The following BIN1 variants were observed in gnomAD, a reference collection of about 807,000 sequenced individuals.
The protein encoded by BIN1 is bridging integrator 1, also known as myc box-dependent-interacting protein 1.
Under a neutral mutation model 82.0 loss-of-function variants are expected in BIN1, and 53 were observed. That is an observed-to-expected ratio of 0.65 (90% CI 0.52 to 0.81). The LOEUF is 0.81. BIN1 is among the 40% of genes least tolerant of loss of function. The pLI is 0.00. For synonymous variants in BIN1, 302 were observed against 328.0 expected (o/e 0.92, Z 0.86); for missense variants, 642 against 784.4 (o/e 0.82, Z 2.17).
intron 1 of BIN1, among the ~76,000 whole-genome samples, chr2:127,083,050 C>T (rs1481840596): frequency 1.3e-5 from 2 of 152,018 alleles, no homozygotes; most frequent in African/African-American, 4.8e-5. Flanking sequence ...TCAACTGTTA[C>T]CACTTGGCCA....
Position 127,057,583 on chromosome 2 carries a change from C to A in BIN1, c.1021G>T (p.Val341Phe). ...GGGGTGTGTTTGGGAGGCGGAGGGACTGGTGGGCCTTTCCGGAGCTGTGGG... is the reference window on the plus strand; with the variant it reads ...GGGGTGTGTTTGGGAGGCGGAGGGAATGGTGGGCCTTTCCGGAGCTGTGGG... Reference protein sequence around the residue: ...SPSQLRKGPPVPPPPKHTPSK... With the variant: ...SPSQLRKGPPFPPPPKHTPSK... The change falls in exon 12 of 19, where the codon GTC (valine) becomes TTC (phenylalanine). Residue 341 changes from valine to phenylalanine, a missense_variant. By Grantham distance (50) the Val-to-Phe change is conservative. Transcript: ENST00000316724. The surrounding 1 kb of genome is among the most constrained non-coding windows in gnomAD (Gnocchi z 5.0). 6.5e-7 allele frequency: 1 copy of A among 1,535,338 alleles called. No individual in the cohort carries two copies. Among genetic ancestry groups the A allele is most frequent in the Non-Finnish European group, 8.8e-7 (1 of 1,136,408 alleles).
chr2:127,104,756 C>T (rs976706879), intron 1 of BIN1, among the ~76,000 whole-genome samples: 4 of 152,176 alleles, frequency 2.6e-5, no homozygotes, highest in African/African-American at 9.7e-5. Context: ...TACAGGAAGG[C>T]ACACAGCAGA....
intron 2 of BIN1, among the ~76,000 whole-genome samples, chr2:127,071,390 C>T (rs1190071934): frequency 2.0e-5 from 3 of 152,124 alleles, no homozygotes; most frequent in African/African-American, 7.2e-5. Flanking sequence ...GTGCAGAATG[C>T]GGTGGTCATG....
intron 1 of BIN1, among the ~76,000 whole-genome samples, chr2:127,105,490 C>CTCG (rs1553490389): frequency 6.6e-6 from 1 of 151,498 alleles, no homozygotes; most frequent in African/African-American, 2.4e-5. Flanking sequence ...CCTCCTCCTC[C>CTCG]TCCTCCTCCT....
chr2:127,052,590 C>T (rs1021175960), intron 14 of BIN1: 7 of 571,214 alleles, frequency 1.2e-5, no homozygotes, highest in South Asian at 4.2e-5. Flanking sequence ...CAGCACCTAC[C>T]GAAATCCACT....
chr2:127,057,368 G>A lies in BIN1; in HGVS notation c.1131+105C>T. On this transcript the variant is annotated intron_variant, in intron 12 of 18. Transcript: ENST00000316724. The surrounding 1 kb of genome is among the most constrained non-coding windows in gnomAD (Gnocchi z 5.0). ...AGAGAGGGAAACTGACACTCTCTCT[G>A]GCCAGATTCCTGGCTCTTGAGACAG... is the stretch of plus-strand genomic sequence containing the variant. 2 of 1,379,348 alleles carry A rather than the reference G, an allele frequency of 1.4e-6. No homozygotes were observed. Among genetic ancestry groups the A allele is most frequent in the South Asian group, 3.1e-5 (2 of 63,994 alleles). 85.4% of individuals were successfully genotyped at this position (1,379,348 alleles called of 1,614,324 possible).
intron 1 of BIN1, among the ~76,000 whole-genome samples, chr2:127,097,527 C>G (rs528335060): frequency 2.6e-5 from 4 of 152,168 alleles, no homozygotes; most frequent in Non-Finnish European, 5.9e-5. Flanking sequence ...GCCCTTCCAG[C>G]GACAGGTGTC....
intron 15 of BIN1, 90 bp from the exon 16 acceptor site, chr2:127,051,333 G>T: frequency 7.4e-7 from 1 of 1,359,950 alleles, no homozygotes; most frequent in Non-Finnish European, 1.0e-6. Flanking sequence ...GCACCCAAGC[G>T]ACAGGGCCGG....
chr2:127,057,924 A>G lies in BIN1; in HGVS notation c.1003-323T>C, dbSNP rs927582965. On this transcript the variant is annotated intron_variant, in intron 11 of 18. Coordinates refer to ENST00000316724, the MANE Select transcript of BIN1 (RefSeq NM_139343.3). The surrounding 1 kb of genome is among the most constrained non-coding windows in gnomAD (Gnocchi z 5.0). Reference sequence around the variant, plus strand: ...GAGGCCCCAGGCTGCCCACTGGCCAACTGTGGGAGGGGCTGGCTCCCACTG... The same window carrying G: ...GAGGCCCCAGGCTGCCCACTGGCCAGCTGTGGGAGGGGCTGGCTCCCACTG... Among the ~76,000 whole-genome samples, 23 of 152,008 alleles carry G rather than the reference A, an allele frequency of 1.5e-4. No homozygotes were observed. Among genetic ancestry groups the G allele is most frequent in the African/African-American group, 5.3e-4 (22 of 41,404 alleles).
At chr2:127,072,422 G>A (rs1045538177) in intron 2 of BIN1, among the ~76,000 whole-genome samples, 4 of 152,188 alleles carry the variant, frequency 2.6e-5, no homozygotes, top group Non-Finnish European at 5.9e-5. Flanking sequence ...CAGTCACACA[G>A]AGACTCGGAG....
At position 127,070,652 on chromosome 2, in the gene BIN1, G is replaced by A; in HGVS notation, c.221-5C>T. 1 of 1,613,974 alleles carries A rather than the reference G, an allele frequency of 6.2e-7. No homozygotes were observed. Among genetic ancestry groups the A allele is most frequent in the Non-Finnish European group, 8.5e-7 (1 of 1,179,992 alleles). ...TCTTGGAAGCCTCGTGCATGGCTGT[G>A]GGGCAGAAAGGAAGTATGTGGGCCT... On this transcript the variant is annotated splice_polypyrimidine_tract_variant and splice_region_variant and intron_variant, in intron 3 of 18. Coordinates refer to ENST00000316724, the MANE Select transcript of BIN1 (RefSeq NM_139343.3).
At chr2:127,100,208 C>T (rs1282664478) in intron 1 of BIN1, among the ~76,000 whole-genome samples, 2 of 152,178 alleles carry the variant, frequency 1.3e-5, no homozygotes, top group Non-Finnish European at 2.9e-5. Context: ...TGCATGAACC[C>T]CCATCTCTGG....
chr2:127,063,149 G>A (rs752793329), intron 9 of BIN1, among the ~76,000 whole-genome samples: 1 of 152,246 alleles, frequency 6.6e-6, no homozygotes, highest in Non-Finnish European at 1.5e-5. Flanking sequence ...GATTCACGCA[G>A]ACGAAACAGG....
At chr2:127,081,996 A>C in intron 1 of BIN1, 2 of 663,472 alleles carry the variant, frequency 3.0e-6, no homozygotes, top group Non-Finnish European at 3.7e-6. Flanking sequence ...CCAGGCAGGC[A>C]GACACAGACA....
Position 127,107,090 on chromosome 2 carries a change from G to A in BIN1, c.-147C>T, listed in dbSNP as rs1051210092. The A allele has an allele frequency of 1.1e-5, 9 of 838,452 alleles. No individual in the cohort carries two copies. Among genetic ancestry groups the A allele is most frequent in the Non-Finnish European group, 1.3e-5 (8 of 613,336 alleles). The allele number at this position is 838,452 out of a possible 1,614,324, so 51.9% of individuals were successfully genotyped here. ...CCGACAGCGGAGCCAACTGACGGAG[G>A]CGGAGCGTGCGCCGGACGGGCGAGC... On this transcript the variant is annotated 5_prime_UTR_variant, in exon 1 of 19. Transcript: ENST00000316724. The surrounding 1 kb of genome is among the most constrained non-coding windows in gnomAD (Gnocchi z 5.9).
intron 1 of BIN1, among the ~76,000 whole-genome samples, chr2:127,080,370 G>A (rs930543214): frequency 8.5e-5 from 13 of 152,220 alleles, no homozygotes; most frequent in Admixed American, 3.9e-4. Flanking sequence ...GCCCAGCAGC[G>A]ACTAAGGAAA....
chr2:127,052,460 C>T lies in BIN1; in HGVS notation c.1264-98G>A. 4.9e-6 allele frequency: 6 copies of T among 1,215,016 alleles called. 1 individual carries two copies. Among genetic ancestry groups the T allele is most frequent in the African/African-American group, 1.5e-5 (1 of 66,862 alleles). The allele number at this position is 1,215,016 out of a possible 1,614,324, so 75.3% of individuals were successfully genotyped here. On this transcript the variant is annotated intron_variant, in intron 14 of 18. Coordinates refer to ENST00000316724, the MANE Select transcript of BIN1 (RefSeq NM_139343.3). ...ACAAGACAAGAGAAAATGTCACCAG[C>T]GGCTGGGGTTGGTGGGGGCAGGGTG...
chr2:127,085,407 C>G (rs1056386279), intron 1 of BIN1, among the ~76,000 whole-genome samples: 1 of 152,214 alleles, frequency 6.6e-6, no homozygotes, highest in Admixed American at 6.5e-5. Flanking sequence ...CTCAGGGCCC[C>G]ACACAGCAGC....
intron 11 of BIN1, among the ~76,000 whole-genome samples, chr2:127,058,383 C>T (rs900450882): frequency 1.4e-4 from 21 of 152,160 alleles, no homozygotes; most frequent in African/African-American, 4.6e-4. Flanking sequence ...CAGCAGAAAA[C>T]GGGGAGCTGC....
Sources: gnomAD v4.1 joint callset for allele counts (sites outside exome capture counted in the v4.1 genomes callset) on GRCh38, gnomAD v4.1.1 for gene constraint, Gnocchi (gnomAD v3.1) non-coding constraint, MANE v1.5 for transcripts, NCBI Gene and HGNC (gene_info 2026-07-23, HGNC 2026-07-21) for gene names.